The following KALRN variants were observed in gnomAD, a reference collection of about 807,000 sequenced individuals.
KALRN encodes the protein kalirin RhoGEF kinase.
In KALRN, 70 loss-of-function variants were observed where a neutral mutation model predicts 353.7. That is an observed-to-expected ratio of 0.20 (90% confidence interval 0.16 to 0.24). KALRN has a LOEUF of 0.24. Among genes scored for constraint, KALRN ranks in the 10% least tolerant of loss-of-function variants. KALRN has a pLI of 1.00. For missense variants in KALRN, 2,791 were observed against 3,756.7 expected (o/e 0.74, Z 6.72); for synonymous variants, 1,391 against 1,434.8 (o/e 0.97, Z 0.69).
rs1327051082 is a variant in KALRN, at chr3:124,632,548, A to G, written c.5311A>G (p.Lys1771Glu). The G allele has an allele frequency of 6.2e-7, 1 of 1,614,210 alleles. No homozygotes were observed. Among genetic ancestry groups the G allele is most frequent in the Admixed American group, 1.7e-5 (1 of 60,022 alleles). The change falls in exon 35 of 60, where the codon AAG becomes GAG. Residue 1771 changes from lysine (K) to glutamate (E), a missense_variant. By Grantham distance (56) the Lys-to-Glu change is moderately conservative. Around this residue, in one of 11 missense-constraint regions of KALRN, gnomAD observed 1,065 missense variants for 1,156.4 expected, o/e 0.92. Coordinates refer to ENST00000682506, the MANE Select transcript of KALRN (RefSeq NM_001388419.1). ...GPKRSTNTLK[K>E]WLTSPVRRLN... The stretch of plus-strand genomic sequence containing the variant: ...CAAGCGCTCCACCAACACTCTTAAG[A>G]AGTGGCTGACGAGTCCTGTGCGTCG...
intron 34 of KALRN, among the ~76,000 whole-genome samples, chr3:124,571,197 A>G (rs1457212173): frequency 6.6e-6 from 1 of 152,260 alleles, no homozygotes; most frequent in African/African-American, 2.4e-5. Flanking sequence ...TTCCTAAGCT[A>G]TATAAGCCTA....
intron 34 of KALRN, among the ~76,000 whole-genome samples, chr3:124,586,647 G>T (rs2651616): frequency 6.6e-6 from 1 of 151,906 alleles, no homozygotes; most frequent in African/African-American, 2.4e-5. Flanking sequence ...TCGTAGGAGC[G>T]GGAGCTGAAA....
intron 33 of KALRN, among the ~76,000 whole-genome samples, chr3:124,499,279 C>T (rs997255112): frequency 6.6e-6 from 1 of 152,192 alleles, no homozygotes; most frequent in Non-Finnish European, 1.5e-5. Flanking sequence ...GAGTTCGATA[C>T]ACCTAGGTTC....
At chr3:124,466,144 A>G (rs1418025662) in intron 25 of KALRN, among the ~76,000 whole-genome samples, 8 of 152,094 alleles carry the variant, frequency 5.3e-5, no homozygotes, top group Non-Finnish European at 1.0e-4. Flanking sequence ...CCCCAGCACC[A>G]AAACTTCTTT....
chr3:124,478,253 T>C (rs2061612333), intron 27 of KALRN, among the ~76,000 whole-genome samples: 1 of 152,248 alleles, frequency 6.6e-6, no homozygotes, highest in Non-Finnish European at 1.5e-5. Context: ...CTCAGCCCTT[T>C]TTAAAGGTTA....
At chr3:124,127,374 C>A (rs926746307) in intron 1 of KALRN, among the ~76,000 whole-genome samples, 4 of 151,982 alleles carry the variant, frequency 2.6e-5, no homozygotes, top group African/African-American at 9.7e-5. Flanking sequence ...ATTTTCTAAT[C>A]CTCCTCCCCT....
At chr3:124,387,616 A>G (rs771377689) in intron 11 of KALRN, among the ~76,000 whole-genome samples, 1 of 152,136 alleles carries the variant, frequency 6.6e-6, no homozygotes, top group Non-Finnish European at 1.5e-5. Flanking sequence ...CAGAGACTTG[A>G]ATGAATTTTT....
chr3:124,410,940 C>T (rs940425928), intron 13 of KALRN, among the ~76,000 whole-genome samples: 1 of 151,478 alleles, frequency 6.6e-6, no homozygotes, highest in African/African-American at 2.4e-5. Flanking sequence ...ACACTGGAAA[C>T]AACCCAATAA....
chr3:124,220,558 T>A (rs2150605002), intron 1 of KALRN, among the ~76,000 whole-genome samples: 1 of 152,274 alleles, frequency 6.6e-6, no homozygotes, highest in South Asian at 2.1e-4. Context: ...GGAATGAAGA[T>A]CTTGCTTCTA....
At position 124,456,744 on chromosome 3, in the gene KALRN, C is replaced by G. The variant is rs755571066; in HGVS notation, c.3854+16C>G. 2 of 1,583,546 alleles carry G rather than the reference C, an allele frequency of 1.3e-6. No individual in the cohort carries two copies. The highest frequency in any genetic ancestry group is 2.2e-5 in the South Asian group (2 of 89,842). ...GGAAGAAAGAGTACGTGTTGGCTTC[C>G]GCCCAGCTAGCTGGCTCCCCGTGAC... On this transcript the variant is annotated intron_variant, in intron 23 of 59. Transcript: ENST00000682506.
chr3:124,530,994 T>C (rs749115783), intron 33 of KALRN, among the ~76,000 whole-genome samples: 9 of 152,204 alleles, frequency 5.9e-5, no homozygotes, highest in Non-Finnish European at 7.3e-5. Context: ...ATGTTTGTAA[T>C]GTAGTTTTAT....
chr3:124,300,883 C>A (rs893222535), intron 6 of KALRN, among the ~76,000 whole-genome samples: 3 of 152,192 alleles, frequency 2.0e-5, no homozygotes, highest in Admixed American at 1.3e-4. Flanking sequence ...CACTGGTCTC[C>A]TGTAGATATT....
chr3:124,610,637 G>T (rs1034383393), intron 34 of KALRN, among the ~76,000 whole-genome samples: 3 of 117,190 alleles, frequency 2.6e-5, no homozygotes, highest in South Asian at 2.7e-4. Context: ...CTAACCCTGG[G>T]GGGGGCGGCT....
At chr3:124,285,926 A>G (rs2149083246) in intron 5 of KALRN, among the ~76,000 whole-genome samples, 1 of 152,272 alleles carries the variant, frequency 6.6e-6, no homozygotes, top group South Asian at 2.1e-4. Context: ...ACTGGACAGG[A>G]CAGACATAGA....
intron 21 of KALRN, among the ~76,000 whole-genome samples, chr3:124,449,241 G>A (rs764290210): frequency 1.1e-4 from 16 of 152,142 alleles, no homozygotes; most frequent in Non-Finnish European, 1.9e-4. Flanking sequence ...GGGCAGTGGA[G>A]TACATTGAAT....
intron 3 of KALRN, among the ~76,000 whole-genome samples, chr3:124,262,519 A>G (rs542168169): frequency 6.6e-6 from 1 of 152,368 alleles, no homozygotes; most frequent in African/African-American, 2.4e-5. Flanking sequence ...TTGTTTCAAT[A>G]AGTGTCAGGG....
intron 5 of KALRN, among the ~76,000 whole-genome samples, chr3:124,292,638 C>T (rs2076520338): frequency 1.7e-5 from 2 of 117,212 alleles, no homozygotes; most frequent in African/African-American, 5.4e-5. Context: ...CGGTGCCCTG[C>T]GGTCACTCTG....
At chr3:124,401,355 A>C (rs905452341) in intron 13 of KALRN, among the ~76,000 whole-genome samples, 2 of 152,006 alleles carry the variant, frequency 1.3e-5, no homozygotes, top group Admixed American at 6.6e-5. Context: ...AAATATAAAC[A>C]AAAACCGAGT....
At chr3:124,623,858 G>GT (rs547563134) in intron 34 of KALRN, among the ~76,000 whole-genome samples, 35 of 152,292 alleles carry the variant, frequency 2.3e-4, no homozygotes, top group Non-Finnish European at 4.0e-4. Context: ...CAATGGACTG[G>GT]TTAGGATATG....
Sources: allele counts gnomAD v4.1 joint callset (sites outside exome capture counted in the v4.1 genomes callset), GRCh38; gene constraint gnomAD v4.1.1; regional missense constraint gnomAD v4.1.1; transcripts MANE v1.5; gene names NCBI Gene and HGNC (gene_info 2026-07-23, HGNC 2026-07-21).